The following GLRA3 variants were observed in gnomAD, a reference collection of about 807,000 sequenced individuals.
The protein encoded by GLRA3 is glycine receptor subunit alpha-3.
In GLRA3, 44 loss-of-function variants were observed where a neutral mutation model predicts 60.4. The ratio of observed to expected loss-of-function variants is 0.73; its 90% CI spans 0.57 to 0.94. The LOEUF (loss-of-function observed/expected upper bound fraction) is 0.94. Ranked by LOEUF, GLRA3 falls within the 40% of genes least tolerant of loss-of-function variation. The pLI is 0.00. For missense variants in GLRA3, 508 were observed against 564.6 expected (o/e 0.90, Z 1.02); for synonymous variants, 223 against 192.9 (o/e 1.16, Z -1.29).
Position 174,758,083 on chromosome 4 carries a change from G to A in GLRA3, c.267+8880C>T, listed in dbSNP as rs919291409. ...TGGCTCCTGTTCCCTTCCTACTTCT[G>A]CCATGAGTGGAAGTAGATGCTGGTG... On this transcript the variant is annotated intron_variant, in intron 3 of 9. Transcript: ENST00000274093. Among the ~76,000 whole-genome samples the A allele has an allele frequency of 5.3e-5, 8 of 152,106 alleles. No individual in the cohort carries two copies. In the East Asian group the frequency reaches 1.5e-3, roughly 29 times the overall value.
In GLRA3 at chr4:174,785,229, TCTA is replaced by T. The variant is rs1561117490; in HGVS notation, c.199+3584_199+3586del. Among the ~76,000 whole-genome samples the T allele has an allele frequency of 2.0e-5, 3 of 152,034 alleles. No homozygotes were observed. In the South Asian group the frequency reaches 6.2e-4, roughly 32 times the overall value. ...CCATAATTTTGGTTAAGTAAAAAAA[TCTA>T]CTTCTAAATTTTTGTAAATGTTAGA... is the stretch of plus-strand genomic sequence containing the variant. On this transcript the variant is annotated intron_variant, in intron 2 of 9. Transcript: ENST00000274093.
intron 2 of GLRA3, among the ~76,000 whole-genome samples, chr4:174,774,170 T>A (rs1738501740): frequency 1.3e-5 from 2 of 152,174 alleles, no homozygotes; most frequent in Admixed American, 6.5e-5. Context: ...CAAGGGAGAT[T>A]CATTACATAT....
intron 1 of GLRA3, among the ~76,000 whole-genome samples, chr4:174,808,255 A>G (rs1488500906): frequency 6.6e-6 from 1 of 152,184 alleles, no homozygotes; most frequent in East Asian, 1.9e-4. Flanking sequence ...GTCATGCACC[A>G]CGTAACGACA....
At chr4:174,675,518 G>A (rs1734084034) in intron 7 of GLRA3, among the ~76,000 whole-genome samples, 1 of 152,028 alleles carries the variant, frequency 6.6e-6, no homozygotes. Context: ...AGACAAATGA[G>A]CTTTCATTTC....
intron 4 of GLRA3, among the ~76,000 whole-genome samples, chr4:174,715,886 CTA>C: frequency 6.6e-6 from 1 of 152,100 alleles, no homozygotes; most frequent in South Asian, 2.1e-4. Context: ...ATTTATATAT[CTA>C]TATGTTTATT....
At chr4:174,750,727 G>A (rs1185501741) in intron 3 of GLRA3, among the ~76,000 whole-genome samples, 1 of 152,086 alleles carries the variant, frequency 6.6e-6, no homozygotes, top group Non-Finnish European at 1.5e-5. Flanking sequence ...CTTTGGAGTG[G>A]TATTCATAAC....
At position 174,757,053 on chromosome 4, in the gene GLRA3, CT is replaced by C. The variant is rs550151681; in HGVS notation, c.267+9909del. On this transcript the variant is annotated intron_variant, in intron 3 of 9. Transcript: ENST00000274093. ...TGTTATTTAGCATTGTACAGGAGTT[CT>C]GAACCAGTGCAATAAGGTAAGAGGG... Among the ~76,000 whole-genome samples the C allele has an allele frequency of 2.8e-3, 427 of 152,260 alleles. 1 individual carries two copies. The highest frequency in any genetic ancestry group is 6.8e-3 in the Middle Eastern group (2 of 294).
chr4:174,766,002 C>A (rs1738126202), intron 3 of GLRA3, among the ~76,000 whole-genome samples: 1 of 151,326 alleles, frequency 6.6e-6, no homozygotes, highest in South Asian at 2.1e-4. Context: ...GATTCCAACA[C>A]ACACTCACAC....
At position 174,824,235 on chromosome 4, in the gene GLRA3, A is replaced by T. The variant is rs112775348; in HGVS notation, c.71+4506T>A. ...ATTTCTTTTAAGAAACTATATTTTG[A>T]AGAAAAATTCTCACATGGTTTCCAA... On this transcript the variant is annotated intron_variant, in intron 1 of 9. Coordinates refer to ENST00000274093, the MANE Select transcript of GLRA3 (RefSeq NM_006529.4). Among the ~76,000 whole-genome samples the T allele has an allele frequency of 2.0e-3, 299 of 152,316 alleles. 2 individuals are homozygous for T. The highest frequency in any genetic ancestry group is 7.0e-3 in the African/African-American group (290 of 41,568).
intron 1 of GLRA3, among the ~76,000 whole-genome samples, chr4:174,809,082 C>T (rs1740162437): frequency 6.6e-6 from 1 of 152,156 alleles, no homozygotes; most frequent in Admixed American, 6.5e-5. Context: ...ATACTGCAAG[C>T]GCCATTCATC....
Position 174,677,152 on chromosome 4 carries a change from T to G in GLRA3, c.853A>C (p.Arg285=). ...ACAGTGGTTATCCCCAGAGCTACCC[T>G]GGCCGGTGCTGCATCCATGTTGATC... ...FWINMDAAPA[R]VALGITTVLT... The change falls in exon 7 of 10, where the codon AGG becomes CGG. Residue 285 remains arginine, a synonymous_variant. Transcript: ENST00000274093. 1 of 1,613,502 alleles carries G rather than the reference T, an allele frequency of 6.2e-7. No individual in the cohort carries two copies.
intron 1 of GLRA3, among the ~76,000 whole-genome samples, chr4:174,796,945 C>T (rs140716992): frequency 2.0e-5 from 3 of 152,242 alleles, no homozygotes; most frequent in African/African-American, 7.2e-5. Flanking sequence ...ACAGTAATAT[C>T]TGAGCCTTGT....
chr4:174,647,467 A>AAAGC (rs1293911872), intron 9 of GLRA3, among the ~76,000 whole-genome samples: 1 of 151,988 alleles, frequency 6.6e-6, no homozygotes, highest in African/African-American at 2.4e-5. Context: ...CACAGCCAGT[A>AAAGC]AAGCAAGCAG....
intron 9 of GLRA3, among the ~76,000 whole-genome samples, chr4:174,655,611 T>G (rs1733166071): frequency 6.6e-6 from 1 of 152,144 alleles, no homozygotes. Context: ...CTGTATAGTC[T>G]AATACCTACT....
chr4:174,761,049 G>A (rs940537247), intron 3 of GLRA3, among the ~76,000 whole-genome samples: 1 of 151,824 alleles, frequency 6.6e-6, no homozygotes, highest in Non-Finnish European at 1.5e-5. Flanking sequence ...ATCAAACTCA[G>A]GAATAAAGCT....
In GLRA3 at chr4:174,788,935, G is replaced by A. The variant is rs1739225540; in HGVS notation, c.80C>T (p.Ala27Val). ...WEAALLLSLVATKETDSARSR... is the reference protein window; with the variant it reads ...WEAALLLSLVVTKETDSARSR... ...TCTTGCACTGTCTGTTTCCTTTGTG[G>A]CAACCAAACTACAAATAAGAACAAA... Residue 27 changes from alanine to valine, a missense_variant, in exon 2 of 10, where the codon GCC (alanine) becomes GTC (valine). Around this residue, in one of 3 missense-constraint regions of GLRA3, gnomAD observed 329 missense variants for 349.3 expected, o/e 0.94. Coordinates refer to ENST00000274093, the MANE Select transcript of GLRA3 (RefSeq NM_006529.4). 1 of 1,580,548 alleles carries A rather than the reference G, an allele frequency of 6.3e-7. No individual in the cohort carries two copies.
intron 4 of GLRA3, among the ~76,000 whole-genome samples, chr4:174,718,752 T>C (rs917062517): frequency 6.6e-6 from 1 of 152,154 alleles, no homozygotes; most frequent in African/African-American, 2.4e-5. Context: ...TATTAGACAA[T>C]GTTTACTGTG....
chr4:174,690,719 C>T (rs1195417121), intron 5 of GLRA3, among the ~76,000 whole-genome samples: 2 of 152,060 alleles, frequency 1.3e-5, no homozygotes, highest in Non-Finnish European at 2.9e-5. Context: ...TTCATAGGTT[C>T]TTATCATTTG....
Position 174,814,469 on chromosome 4 carries a change from G to T in GLRA3, c.71+14272C>A, listed in dbSNP as rs1009090229. ...TGCTTCTTCTCCTCTCTCTTTTTCT[G>T]CCACTCTGCCACTCTGCCAGTGGAG... On this transcript the variant is annotated intron_variant, in intron 1 of 9. Coordinates refer to ENST00000274093, the MANE Select transcript of GLRA3 (RefSeq NM_006529.4). Among the ~76,000 whole-genome samples, 5 of 152,020 alleles carry T rather than the reference G, an allele frequency of 3.3e-5. 1 individual carries two copies. Among genetic ancestry groups the T allele is most frequent in the African/African-American group, 1.2e-4 (5 of 41,372 alleles).
Sources: allele counts gnomAD v4.1 joint callset (sites outside exome capture counted in the v4.1 genomes callset), GRCh38; gene constraint gnomAD v4.1.1; regional missense constraint gnomAD v4.1.1; transcripts MANE v1.5; gene names NCBI Gene and HGNC (gene_info 2026-07-23, HGNC 2026-07-21).